ADGRD1: variants seen among roughly 807,000 people sequenced by gnomAD.
ADGRD1 encodes G-protein coupled receptor 133.
In ADGRD1, 77 loss-of-function variants were observed where a neutral mutation model predicts 113.4. The observed-to-expected ratio is 0.68, with a 90% CI of 0.57 to 0.82. The LOEUF is 0.82. Among genes scored for constraint, ADGRD1 ranks in the 40% least tolerant of loss-of-function variants. ADGRD1 has a pLI of 0.00. For missense variants in ADGRD1, 1,036 were observed against 1,139.1 expected (o/e 0.91, Z 1.30); for synonymous variants, 474 against 475.0 (o/e 1.00, Z 0.03).
At chr12:130,961,895 C>T (rs2136482568) in intron 2 of ADGRD1, among the ~76,000 whole-genome samples, 1 of 152,334 alleles carries the variant, frequency 6.6e-6, no homozygotes, top group East Asian at 1.9e-4. Flanking sequence ...GGCAAAGCTT[C>T]CTGCAGAGCC....
chr12:131,008,644 G>A (rs1369410593), intron 12 of ADGRD1, among the ~76,000 whole-genome samples: 4 of 152,178 alleles, frequency 2.6e-5, no homozygotes, highest in Non-Finnish European at 5.9e-5. Flanking sequence ...CCGGCTGCTT[G>A]TACCCCTAGG....
chr12:131,128,606 T>C (rs146717354), intron 20 of ADGRD1, among the ~76,000 whole-genome samples: 1 of 152,352 alleles, frequency 6.6e-6, no homozygotes, highest in African/African-American at 2.4e-5. Flanking sequence ...TAAATGTGTC[T>C]GCCTATGTAT....
chr12:131,109,784 G>A lies in ADGRD1; in HGVS notation c.2041+907G>A, dbSNP rs114014324. Among the ~76,000 whole-genome samples, 387 of 152,220 alleles carry A rather than the reference G, an allele frequency of 2.5e-3. 1 individual carries two copies. Among genetic ancestry groups the A allele is most frequent in the African/African-American group, 8.8e-3 (364 of 41,542 alleles). On this transcript the variant is annotated intron_variant, in intron 18 of 24. Coordinates refer to ENST00000261654, the MANE Select transcript of ADGRD1 (RefSeq NM_198827.5). ...TGTTGTTCAAGTCTTCTATTTCATC[G>A]CTGATCCTTTTTCTAGTTGTTCTGT...
At chr12:131,126,333 G>A (rs915026313) in intron 20 of ADGRD1, among the ~76,000 whole-genome samples, 32 of 152,136 alleles carry the variant, frequency 2.1e-4, no homozygotes, top group African/African-American at 7.5e-4. Context: ...GGACAGTGTA[G>A]CAAGAAGTCC....
At chr12:131,076,579 C>T (rs1016668733) in intron 13 of ADGRD1, among the ~76,000 whole-genome samples, 1 of 151,916 alleles carries the variant, frequency 6.6e-6, no homozygotes, top group Non-Finnish European at 1.5e-5. Context: ...CCGGCACCTG[C>T]CAGGGCCCTT....
Position 131,022,856 on chromosome 12 carries a change from G to T in ADGRD1, c.1473+8516G>T, listed in dbSNP as rs905650823. ...GTGGACAGAGCCGGGAAATCTGTGT[G>T]TGTGTGCTCTCAGAAGCACACGCAT... On this transcript the variant is annotated intron_variant, in intron 13 of 24. Coordinates refer to ENST00000261654, the MANE Select transcript of ADGRD1 (RefSeq NM_198827.5). This position sits in a 1 kb window ranked among gnomAD's most constrained non-coding sequence, Gnocchi z 4.6. 6.6e-6 allele frequency: 1 copy of T among 151,942 alleles called. No individual in the cohort carries two copies. The highest frequency in any genetic ancestry group is 1.5e-5 in the Non-Finnish European group (1 of 67,998). The allele number at this position is 151,942 out of a possible 1,614,324, so 9.4% of individuals were successfully genotyped here.
intron 13 of ADGRD1, among the ~76,000 whole-genome samples, chr12:131,054,349 T>C (rs1010775655): frequency 2.6e-5 from 4 of 152,212 alleles, no homozygotes; most frequent in Admixed American, 6.5e-5. Context: ...TAGATTAATC[T>C]GCATTTTCTA....
intron 2 of ADGRD1, among the ~76,000 whole-genome samples, chr12:130,963,736 A>T (rs1014386617): frequency 5.9e-5 from 9 of 152,324 alleles, no homozygotes; most frequent in African/African-American, 2.2e-4. Flanking sequence ...ACTATTAAAA[A>T]ATTCTACAAC....
At chr12:131,079,024 G>T (rs769418734) in intron 14 of ADGRD1, among the ~76,000 whole-genome samples, 2 of 151,960 alleles carry the variant, frequency 1.3e-5, no homozygotes, top group Non-Finnish European at 2.9e-5. Flanking sequence ...TCTCACGTCC[G>T]GCTCCTGCAA....
intron 12 of ADGRD1, among the ~76,000 whole-genome samples, chr12:131,013,460 G>A (rs1251016421): frequency 6.6e-6 from 1 of 152,078 alleles, no homozygotes. Context: ...GAGGGTCTTT[G>A]AGCCCTCATT....
At chr12:131,047,758 C>T (rs1416414965) in intron 13 of ADGRD1, among the ~76,000 whole-genome samples, 9 of 152,184 alleles carry the variant, frequency 5.9e-5, no homozygotes, top group South Asian at 2.1e-4. Context: ...TCTTGGAAGA[C>T]GTGGGTCAGT....
intron 13 of ADGRD1, among the ~76,000 whole-genome samples, chr12:131,039,006 C>T (rs1408786266): frequency 6.6e-6 from 1 of 152,248 alleles, no homozygotes; most frequent in African/African-American, 2.4e-5. Context: ...GTCATCTCCC[C>T]AGAGCCTCTC....
Position 130,961,968 on chromosome 12 carries a change from C to T in ADGRD1, c.104-4495C>T, listed in dbSNP as rs553547615. Among the ~76,000 whole-genome samples, 9 of 152,304 alleles carry T rather than the reference C, an allele frequency of 5.9e-5. No individual in the cohort carries two copies. In the South Asian group the frequency reaches 8.3e-4, roughly 14 times the overall value. On this transcript the variant is annotated intron_variant, in intron 2 of 24. Transcript: ENST00000261654. Reference sequence around the variant, plus strand: ...TTAGACAGGGCACAGTTTTCCACGTCGCCTCCGCCTCTCCTGCCCTACGAC... The same window carrying T: ...TTAGACAGGGCACAGTTTTCCACGTTGCCTCCGCCTCTCCTGCCCTACGAC...
At chr12:131,088,758 G>A (rs149695960) in intron 15 of ADGRD1, among the ~76,000 whole-genome samples, 1 of 152,162 alleles carries the variant, frequency 6.6e-6, no homozygotes, top group Non-Finnish European at 1.5e-5. Flanking sequence ...GGAGGGGCAC[G>A]AGTCCCACTG....
chr12:131,085,906 G>A (rs1886429045), intron 15 of ADGRD1, among the ~76,000 whole-genome samples: 2 of 152,208 alleles, frequency 1.3e-5, no homozygotes, highest in African/African-American at 4.8e-5. Flanking sequence ...TGGTCTTTTA[G>A]AGCCTCATGT....
rs1222775230 is a variant in ADGRD1 at position 131,093,619 on chromosome 12, C to T, written c.1671+8956C>T. Among the ~76,000 whole-genome samples the T allele has an allele frequency of 2.6e-5, 4 of 152,200 alleles. No homozygotes were observed. In the East Asian group the frequency reaches 7.7e-4, roughly 29 times the overall value. On this transcript the variant is annotated intron_variant, in intron 15 of 24. Coordinates refer to ENST00000261654, the MANE Select transcript of ADGRD1 (RefSeq NM_198827.5). ...TCCCGAGGGTGTGTCACAGGCGGGA[C>T]TGTGCCAACTGCAGTGCCGGCAGCC...
Position 130,987,358 on chromosome 12 carries a change from G to A in ADGRD1, c.745+9G>A, listed in dbSNP as rs775365854. 6 of 1,613,718 alleles carry A rather than the reference G, an allele frequency of 3.7e-6. No homozygotes were observed. In the Admixed American group the frequency reaches 5.0e-5, roughly 13 times the overall value. On this transcript the variant is annotated intron_variant, in intron 6 of 24. Transcript: ENST00000261654. ...CTTCACTGCTGCCATTGGTCAGTGA[G>A]TGTGAAGGGCTGGGGCAGATCCGCT...
At chr12:131,135,945 A>C (rs1468362135) in intron 21 of ADGRD1, 92 bp from the exon 22 acceptor site, 1 of 1,406,484 alleles carries the variant, frequency 7.1e-7, no homozygotes, top group African/African-American at 1.4e-5. Flanking sequence ...CGGTGCCTGC[A>C]CCCATCTGGA....
At chr12:130,955,326 G>C (rs971493876) in intron 2 of ADGRD1, among the ~76,000 whole-genome samples, 3 of 151,974 alleles carry the variant, frequency 2.0e-5, no homozygotes, top group Non-Finnish European at 4.4e-5. Flanking sequence ...CAGGGTCTCG[G>C]GACCTCCAGC....
Sources: allele counts gnomAD v4.1 joint callset (sites outside exome capture counted in the v4.1 genomes callset), GRCh38; gene constraint gnomAD v4.1.1; non-coding constraint Gnocchi (gnomAD v3.1); transcripts MANE v1.5; gene names NCBI Gene and HGNC (gene_info 2026-07-23, HGNC 2026-07-21).